Variants in MTF1 observed in about 807,000 individuals in gnomAD.
MTF1 encodes the protein MRE-binding transcription factor.
A neutral mutation model predicts 70.4 loss-of-function variants in MTF1; 22 were observed. That is an observed-to-expected ratio of 0.31 (90% confidence interval 0.22 to 0.45). The LOEUF is 0.45. Ranked by LOEUF, MTF1 falls within the 20% of genes least tolerant of loss-of-function variation. MTF1 has a pLI of 1.00. For missense variants in MTF1, 649 were observed against 922.0 expected (o/e 0.70, Z 3.83); for synonymous variants, 333 against 352.8 (o/e 0.94, Z 0.63).
At chr1:37,851,633 G>A (rs1641419256) in intron 2 of MTF1, among the ~76,000 whole-genome samples, 1 of 152,124 alleles carries the variant, frequency 6.6e-6, no homozygotes, top group Non-Finnish European at 1.5e-5. Context: ...GCACATCAAA[G>A]GCTCTGAGAA....
chr1:37,847,545 G>A (rs1344383794), intron 2 of MTF1, among the ~76,000 whole-genome samples: 1 of 152,202 alleles, frequency 6.6e-6, no homozygotes, highest in Non-Finnish European at 1.5e-5. Context: ...AGAGCCCTTA[G>A]CTCTGCCTGG....
chr1:37,826,719 C>G, intron 7 of MTF1: 1 of 390,824 alleles, frequency 2.6e-6, no homozygotes. Context: ...TGGCTCACAC[C>G]TGTAATCCCA....
chr1:37,836,937 G>A (rs761168448), intron 4 of MTF1, among the ~76,000 whole-genome samples: 2 of 131,770 alleles, frequency 1.5e-5, no homozygotes, highest in Admixed American at 8.0e-5. Flanking sequence ...CAGCCTACGG[G>A]AAGGGGGGCG....
At chr1:37,841,072 G>T in intron 2 of MTF1, 2 of 192,412 alleles carry the variant, frequency 1.0e-5, no homozygotes, top group East Asian at 1.5e-4. Flanking sequence ...TGCCCATTAA[G>T]GAGTCTGAGA....
In MTF1 at chr1:37,822,595, G is replaced by A. The variant is rs1208482813; in HGVS notation, c.1293C>T (p.Pro431=). Residue 431 remains proline (P), a synonymous_variant, in exon 9 of 11, where the codon CCC becomes CCT. Transcript: ENST00000373036. ...GAGCTGAGGCAGGTAGTAGAGGCTG[G>A]GGTGGCTCGGAGAGGCCAGGTTGCA... The part of the protein sequence containing the change: ...LVLQPGLSEP[P]QPLLPASAPS... The A allele has an allele frequency of 1.2e-6, 2 of 1,613,880 alleles. No individual in the cohort carries two copies. Among genetic ancestry groups the A allele is most frequent in the Non-Finnish European group, 1.7e-6 (2 of 1,180,016 alleles).
At chr1:37,818,944 G>A (rs12760154) in intron 9 of MTF1, among the ~76,000 whole-genome samples, 1 of 151,144 alleles carries the variant, frequency 6.6e-6, no homozygotes, top group African/African-American at 2.4e-5. Flanking sequence ...AGTGAGCCGA[G>A]ATCGCACCAC....
rs1557581878 is a variant in MTF1 at position 37,810,822 on chromosome 1, G to GGGGATT, written c.*4313_*4314insAATCCC. ...GAAAGTTGATAATGATTCATGGGAT[G>GGGGATT]TAATGTTTGTTTATAGGATTTAATG... On this transcript the variant is annotated 3_prime_UTR_variant, in exon 11 of 11. Coordinates refer to ENST00000373036, the MANE Select transcript of MTF1 (RefSeq NM_005955.3). 1.3e-5 allele frequency: 2 copies of GGGGATT among 152,234 alleles called. No individual in the cohort carries two copies. Among genetic ancestry groups the GGGGATT allele is most frequent in the East Asian group, 3.8e-4 (2 of 5,200 alleles). 9.4% of individuals were successfully genotyped at this position (152,234 alleles called of 1,614,324 possible).
chr1:37,838,664 C>T lies in MTF1; in HGVS notation c.740G>A (p.Arg247Lys). 6.2e-7 allele frequency: 1 copy of T among 1,613,010 alleles called. No individual in the cohort carries two copies. The highest frequency in any genetic ancestry group is 8.5e-7 in the Non-Finnish European group (1 of 1,179,180). The change falls in exon 4 of 11, where the codon AGG becomes AAG. Residue 247 changes from arginine to lysine, a missense_variant. By Grantham distance (26) the Arg-to-Lys change is conservative. Transcript: ENST00000373036. The part of the protein sequence containing the change: ...SKYFTTLSDL[R>K]KHIRTHTGEK... Reference sequence around the variant, plus strand: ...CCCTGTATGAGTTCGAATGTGCTTCCTCAGATCACTGAGTGTGGTGAAGTA... The same window carrying T: ...CCCTGTATGAGTTCGAATGTGCTTCTTCAGATCACTGAGTGTGGTGAAGTA...
Position 37,817,430 on chromosome 1 carries a change from G to A in MTF1, c.1820C>T (p.Ala607Val), listed in dbSNP as rs1640837343. Residue 607 changes from alanine to valine, a missense_variant, in exon 10 of 11, where the codon GCC (alanine) becomes GTC (valine). This residue lies in a region of MTF1 where 39 missense variants were observed against 97.8 expected (regional missense o/e 0.40). Coordinates refer to ENST00000373036, the MANE Select transcript of MTF1 (RefSeq NM_005955.3). Reference sequence around the variant, plus strand: ...ATGGAATTACATACCTGGGCTACTGGCTACTGGTACTGCAGTGGTAAAAAA... The same window carrying A: ...ATGGAATTACATACCTGGGCTACTGACTACTGGTACTGCAGTGGTAAAAAA... ...KVFFTTAVPV[A>V]SSPGSSVQQI... 1 of 1,608,858 alleles carries A rather than the reference G, an allele frequency of 6.2e-7. No homozygotes were observed. Among genetic ancestry groups the A allele is most frequent in the African/African-American group, 1.3e-5 (1 of 74,820 alleles).
Position 37,815,274 on chromosome 1 carries a change from C to A in MTF1, c.2124G>T (p.Gln708His), listed in dbSNP as rs763744298. 2.5e-6 allele frequency: 4 copies of A among 1,613,954 alleles called. No individual in the cohort carries two copies. The highest frequency in any genetic ancestry group is 3.4e-6 in the Non-Finnish European group (4 of 1,180,046). The stretch of plus-strand genomic sequence containing the variant: ...CATCCATGGCACTTAATGTTTCTGT[C>A]TGAGGGTCTGAAGGAGTCTCTGCTT... ...SRQAETPSDP[Q>H]TETLSAMDVS... Residue 708 changes from glutamine (Q) to histidine (H), a missense_variant, in exon 11 of 11, where the codon CAG (glutamine) becomes CAT (histidine). Coordinates refer to ENST00000373036, the MANE Select transcript of MTF1 (RefSeq NM_005955.3). The surrounding 1 kb of genome is among the most constrained non-coding windows in gnomAD (Gnocchi z 4.5).
chr1:37,839,884 G>A, intron 3 of MTF1, 36 bp downstream of exon 3: 1 of 1,545,484 alleles, frequency 6.5e-7, no homozygotes, highest in Non-Finnish European at 8.9e-7. Context: ...CAAGGTCAAG[G>A]TCAGAGGCTG....
Position 37,815,420 on chromosome 1 carries a change from C to T in MTF1, c.1978G>A (p.Glu660Lys). The T allele has an allele frequency of 6.2e-7, 1 of 1,613,458 alleles. No individual in the cohort carries two copies. The change falls in exon 11 of 11, where the codon GAG (glutamate) becomes AAG (lysine). Residue 660 changes from glutamate to lysine, a missense_variant. By Grantham distance (56) the Glu-to-Lys change is moderately conservative. Transcript: ENST00000373036. The surrounding 1 kb of genome is among the most constrained non-coding windows in gnomAD (Gnocchi z 4.5). ...CCATCAGGAGCCTGGGGGCTCGGCT[C>T]TGGAGGGGGTGGGGAGGAGCAGCCC... ...RKGCSSPPPP[E>K]PSPQAPDGPS...
intron 2 of MTF1, among the ~76,000 whole-genome samples, chr1:37,855,678 C>T (rs1023453493): frequency 6.6e-6 from 1 of 151,948 alleles, no homozygotes; most frequent in Non-Finnish European, 1.5e-5. Flanking sequence ...CTGGATGGGC[C>T]GGGCATGGTG....
chr1:37,837,767 A>C (rs533589758), intron 4 of MTF1, among the ~76,000 whole-genome samples: 1 of 152,284 alleles, frequency 6.6e-6, no homozygotes, highest in Admixed American at 6.5e-5. Flanking sequence ...CAGCCTCCCA[A>C]ATTGCTGGAA....
chr1:37,819,951 C>CAAAA lies in MTF1; in HGVS notation c.1767+2166_1767+2169dup, dbSNP rs766621404. ...TAGGCAACAGAGCAAGACTCTGACT[C>CAAAA]AAAAAAAAAAAAAAAAAAAAAAAAA... On this transcript the variant is annotated intron_variant, in intron 9 of 10. Transcript: ENST00000373036. Among the ~76,000 whole-genome samples, 151 of 82,652 alleles carry CAAAA rather than the reference C, an allele frequency of 1.8e-3. 5 individuals carry two copies. The highest frequency in any genetic ancestry group is 6.1e-3 in the South Asian group (13 of 2,134). 54.2% of individuals were successfully genotyped at this position (82,652 alleles called of 152,430 possible). A position where few individuals can be genotyped will look rare whatever the true frequency, so the allele number is the denominator to read the frequency against.
intron 6 of MTF1, among the ~76,000 whole-genome samples, 172 bp downstream of exon 6, chr1:37,834,907 G>A (rs1046943760): frequency 4.6e-5 from 7 of 152,230 alleles, no homozygotes; most frequent in African/African-American, 7.2e-5. Context: ...ATATCTGGGT[G>A]AAGACGTCGA....
At position 37,835,031 on chromosome 1, in the gene MTF1, T is replaced by C. The variant is rs769334228; in HGVS notation, c.990+48A>G. 3.1e-6 allele frequency: 5 copies of C among 1,595,514 alleles called. No homozygotes were observed. The East Asian group carries it at 1.1e-4, about 36-fold the overall frequency. ...CCTTTGATTGTGATACACAAACAACTGTTGAAGTTCTATGGTACCCAGATC... is the reference window on the plus strand; with the variant it reads ...CCTTTGATTGTGATACACAAACAACCGTTGAAGTTCTATGGTACCCAGATC... On this transcript the variant is annotated intron_variant, in intron 6 of 10. Transcript: ENST00000373036.
intron 6 of MTF1, among the ~76,000 whole-genome samples, chr1:37,834,191 G>A (rs1159938563): frequency 6.6e-6 from 1 of 152,084 alleles, no homozygotes; most frequent in Non-Finnish European, 1.5e-5. Flanking sequence ...CCAGCCTACA[G>A]GACAGAGCAA....
chr1:37,840,258 C>T lies in MTF1; in HGVS notation c.409-100G>A, dbSNP rs1054994888. On this transcript the variant is annotated intron_variant, in intron 2 of 10. Coordinates refer to ENST00000373036, the MANE Select transcript of MTF1 (RefSeq NM_005955.3). This position sits in a 1 kb window ranked among gnomAD's most constrained non-coding sequence, Gnocchi z 4.5. ...CTCCCAAGAGATGCTGTGGACAATA[C>T]AACTGGGTTTTCATCATAAACACAG... 1 of 1,072,264 alleles carries T rather than the reference C, an allele frequency of 9.3e-7. No individual in the cohort carries two copies. The highest frequency in any genetic ancestry group is 2.1e-5 in the Admixed American group (1 of 47,890). 66.4% of individuals were successfully genotyped at this position (1,072,264 alleles called of 1,614,324 possible).
Sources: gnomAD v4.1 joint callset for allele counts (sites outside exome capture counted in the v4.1 genomes callset) on GRCh38, gnomAD v4.1.1 for gene constraint, gnomAD v4.1.1 regional missense constraint, Gnocchi (gnomAD v3.1) non-coding constraint, MANE v1.5 for transcripts, NCBI Gene and HGNC (gene_info 2026-07-23, HGNC 2026-07-21) for gene names.